Variants in ZFHX4 observed in about 807,000 individuals in gnomAD.
ZFHX4 encodes the protein zinc finger homeobox 4.
Under a neutral mutation model 267.6 loss-of-function variants are expected in ZFHX4, and 56 were observed. That is an observed-to-expected ratio of 0.21 (90% CI 0.17 to 0.26). ZFHX4 has a LOEUF of 0.26. ZFHX4 is among the 10% of genes least tolerant of loss of function. The pLI is 1.00. For missense variants in ZFHX4, 4,332 were observed against 4,420.0 expected, an observed-to-expected ratio of 0.98 and a Z score of 0.56; for synonymous variants, 1,778 against 1,665.6, an observed-to-expected ratio of 1.07 and a Z score of -1.64.
At chr8:76,694,594 T>A (rs1807905394) in intron 1 of ZFHX4, among the ~76,000 whole-genome samples, 1 of 151,610 alleles carries the variant, frequency 6.6e-6, no homozygotes, top group Admixed American at 6.6e-5. Context: ...AGAGGTTGAG[T>A]AGAGTTACTT....
chr8:76,721,102 C>T (rs1191584273), intron 3 of ZFHX4, among the ~76,000 whole-genome samples: 1 of 152,030 alleles, frequency 6.6e-6, no homozygotes, highest in African/African-American at 2.4e-5. Context: ...CATGTATCTC[C>T]TGAGGTAGGA....
At chr8:76,740,961 T>G (rs548463823) in intron 3 of ZFHX4, among the ~76,000 whole-genome samples, 4 of 152,234 alleles carry the variant, frequency 2.6e-5, no homozygotes, top group African/African-American at 9.6e-5. Flanking sequence ...ATCAATTGAA[T>G]TTATAGATAT....
intron 3 of ZFHX4, chr8:76,733,615 C>G (rs917756092): frequency 2.0e-5 from 3 of 152,168 alleles, no homozygotes; most frequent in Admixed American, 6.6e-5. Context: ...AAAACATATT[C>G]ATTTACTTTA....
At position 76,855,690 on chromosome 8, in the gene ZFHX4, T is replaced by A. The variant is rs1304498629; in HGVS notation, c.8769T>A (p.Ser2923Arg). Residue 2923 changes from serine to arginine, a missense_variant, in exon 10 of 11, where the codon AGT becomes AGA. Physicochemically the swap from Ser to Arg is moderately radical, Grantham distance 110. Transcript: ENST00000651372. Reference protein sequence around the residue: ...FGSSNPFKSKSNDRPGHKRFR... With the variant: ...FGSSNPFKSKRNDRPGHKRFR... ...CCAGCAATCCCTTTAAATCCAAAAG[T>A]AATGATCGGCCGGGTCACAAGCGTT... 3.1e-6 allele frequency: 5 copies of A among 1,613,896 alleles called. No individual in the cohort carries two copies. Among genetic ancestry groups the A allele is most frequent in the African/African-American group, 1.3e-5 (1 of 75,034 alleles).
intron 4 of ZFHX4, among the ~76,000 whole-genome samples, chr8:76,802,191 T>G (rs1035862788): frequency 6.6e-6 from 1 of 152,164 alleles, no homozygotes; most frequent in African/African-American, 2.4e-5. Flanking sequence ...ACACTCATCT[T>G]CTTCAGGCAA....
chr8:76,772,864 G>C (rs888794750), intron 3 of ZFHX4, among the ~76,000 whole-genome samples: 1 of 151,988 alleles, frequency 6.6e-6, no homozygotes, highest in African/African-American at 2.4e-5. Context: ...CTTGACTGCC[G>C]CTCTACCTGT....
At chr8:76,833,827 C>T (rs897416043) in intron 5 of ZFHX4, among the ~76,000 whole-genome samples, 2 of 152,010 alleles carry the variant, frequency 1.3e-5, no homozygotes, top group East Asian at 1.9e-4. Context: ...ATGGATCCAT[C>T]GTTATAATAT....
Position 76,707,578 on chromosome 8 carries a change from G to C in ZFHX4, c.2623G>C (p.Ala875Pro). The change falls in exon 3 of 11, where the codon GCC becomes CCC. Residue 875 changes from alanine to proline, a missense_variant. Transcript: ENST00000651372. ...NNELPPEIRL[A>P]SGQLMGDDLS... ...TGAGCTGCCGCCTGAAATCCGGCTT[G>C]CCAGTGGTCAGCTAATGGGTGATGA... is the stretch of plus-strand genomic sequence containing the variant. 6.3e-7 allele frequency: 1 copy of C among 1,594,694 alleles called. No homozygotes were observed. The highest frequency in any genetic ancestry group is 1.3e-5 in the African/African-American group (1 of 74,430).
chr8:76,814,133 G>A (rs1811445280), intron 4 of ZFHX4, among the ~76,000 whole-genome samples: 3 of 152,064 alleles, frequency 2.0e-5, no homozygotes, highest in African/African-American at 7.2e-5. Context: ...GTGCAGTGGT[G>A]CAATAATGGC....
At chr8:76,772,192 A>G (rs1439381203) in intron 3 of ZFHX4, among the ~76,000 whole-genome samples, 1 of 152,172 alleles carries the variant, frequency 6.6e-6, no homozygotes, top group Non-Finnish European at 1.5e-5. Flanking sequence ...AGCACTCAGT[A>G]AAAGTTAATT....
intron 3 of ZFHX4, among the ~76,000 whole-genome samples, chr8:76,718,909 T>A (rs1042257448): frequency 6.7e-6 from 1 of 149,292 alleles, no homozygotes; most frequent in African/African-American, 2.5e-5. Context: ...AAATCATTGA[T>A]AAAGAAGAAA....
chr8:76,743,503 A>C (rs943343870), intron 3 of ZFHX4, among the ~76,000 whole-genome samples: 7 of 152,118 alleles, frequency 4.6e-5, no homozygotes, highest in Non-Finnish European at 1.0e-4. Flanking sequence ...AACTGAATTA[A>C]CTCATAGTTT....
At chr8:76,734,742 A>G (rs1809113166) in intron 3 of ZFHX4, among the ~76,000 whole-genome samples, 1 of 152,122 alleles carries the variant, frequency 6.6e-6, no homozygotes, top group East Asian at 1.9e-4. Context: ...ATATTCTCAA[A>G]TATATGTTTA....
At chr8:76,714,137 T>C (rs1002285654) in intron 3 of ZFHX4, among the ~76,000 whole-genome samples, 1 of 152,202 alleles carries the variant, frequency 6.6e-6, no homozygotes, top group African/African-American at 2.4e-5. Flanking sequence ...ATTTAGGTAA[T>C]GCAGACAAAG....
chr8:76,726,463 A>G (rs16939341), intron 3 of ZFHX4, among the ~76,000 whole-genome samples: 4,416 of 152,302 alleles, frequency 0.029, 214 homozygotes, highest in African/African-American at 0.096. Context: ...TATGGAAATG[A>G]AAGTGTAAAT....
chr8:76,706,286 G>A lies in ZFHX4; in HGVS notation c.2198G>A (p.Gly733Asp). The A allele has an allele frequency of 6.2e-7, 1 of 1,614,028 alleles. No individual in the cohort carries two copies. Among genetic ancestry groups the A allele is most frequent in the South Asian group, 1.1e-5 (1 of 91,076 alleles). The change falls in exon 2 of 11, where the codon GGC (glycine) becomes GAC (aspartate). Residue 733 changes from glycine to aspartate, a missense_variant. By Grantham distance (94) the Gly-to-Asp change is moderately conservative. Around this residue, in one of 7 missense-constraint regions of ZFHX4, gnomAD observed 1,195 missense variants for 1,173.6 expected, o/e 1.02. Coordinates refer to ENST00000651372, the MANE Select transcript of ZFHX4 (RefSeq NM_024721.5). ...AACAATGTTCAGAATCTCCAAAATG[G>A]CAATGGTGAGCAGGTGTTTGGCCAC... Reference protein sequence around the residue: ...HLNNVQNLQNGNGEQVFGHSA... With the variant: ...HLNNVQNLQNDNGEQVFGHSA...
chr8:76,822,452 CTTTTTTTTTTTT>C (rs5892566), intron 4 of ZFHX4, among the ~76,000 whole-genome samples: 1 of 116,150 alleles, frequency 8.6e-6, no homozygotes, highest in East Asian at 2.5e-4. Flanking sequence ...GTGTCTACCT[CTTTTTTTTTTTT>C]TTTTTTTTTT....
At chr8:76,816,337 A>G (rs187323163) in intron 4 of ZFHX4, among the ~76,000 whole-genome samples, 1 of 152,186 alleles carries the variant, frequency 6.6e-6, no homozygotes, top group East Asian at 1.9e-4. Flanking sequence ...GATAAGATAC[A>G]TATTGCACTG....
chr8:76,818,418 A>G (rs576419566), intron 4 of ZFHX4, among the ~76,000 whole-genome samples: 5 of 152,298 alleles, frequency 3.3e-5, no homozygotes, highest in Admixed American at 2.0e-4. Context: ...AGATTATGGA[A>G]TGCCTTGAAG....
Sources: allele counts gnomAD v4.1 joint callset (sites outside exome capture counted in the v4.1 genomes callset), GRCh38; gene constraint gnomAD v4.1.1; regional missense constraint gnomAD v4.1.1; transcripts MANE v1.5; gene names NCBI Gene and HGNC (gene_info 2026-07-23, HGNC 2026-07-21).